Variants in SGCZ observed in about 807,000 individuals in gnomAD.
SGCZ encodes the protein sarcoglycan zeta.
SGCZ carries 40 observed loss-of-function variants against 41.3 expected under a neutral mutation model. The ratio of observed to expected loss-of-function variants is 0.97; its 90% CI spans 0.75 to 1.26. SGCZ has a LOEUF of 1.26. Ranked by LOEUF, SGCZ falls within the 50% of genes most tolerant of loss-of-function variation. The pLI, the probability that SGCZ is intolerant of heterozygous loss-of-function variation, is 0.00. For missense variants in SGCZ, 552 were observed against 369.8 expected (o/e 1.49, Z -4.04); for synonymous variants, 206 against 137.5 (o/e 1.50, Z -3.49).
At chr8:14,153,771 T>G (rs1202247854) in intron 5 of SGCZ, among the ~76,000 whole-genome samples, 1 of 152,082 alleles carries the variant, frequency 6.6e-6, no homozygotes, top group African/African-American at 2.4e-5. Flanking sequence ...ATCCTAACCC[T>G]CAATGTGATT....
intron 1 of SGCZ, among the ~76,000 whole-genome samples, chr8:14,633,940 T>C (rs1321109762): frequency 6.6e-6 from 1 of 151,918 alleles, no homozygotes; most frequent in Non-Finnish European, 1.5e-5. Flanking sequence ...ATTTTCGCAG[T>C]TCAGAAATGA....
At chr8:14,577,574 G>C (rs1804751462) in intron 1 of SGCZ, among the ~76,000 whole-genome samples, 1 of 151,898 alleles carries the variant, frequency 6.6e-6, no homozygotes, top group African/African-American at 2.4e-5. Context: ...TTTTAGTAGA[G>C]ACAGTGTTTC....
chr8:14,094,389 T>C (rs529746633), intron 7 of SGCZ, among the ~76,000 whole-genome samples: 3 of 152,208 alleles, frequency 2.0e-5, no homozygotes, highest in East Asian at 3.9e-4. Flanking sequence ...ATGTGGTGTT[T>C]GGTTTTCTGT....
At chr8:14,306,186 C>T (rs1032641679) in intron 3 of SGCZ, among the ~76,000 whole-genome samples, 2 of 152,142 alleles carry the variant, frequency 1.3e-5, no homozygotes, top group African/African-American at 4.8e-5. Flanking sequence ...AAACTATTTC[C>T]ATAACCATCA....
At chr8:14,245,611 A>G (rs186053665) in intron 3 of SGCZ, among the ~76,000 whole-genome samples, 2 of 152,136 alleles carry the variant, frequency 1.3e-5, no homozygotes, top group Admixed American at 6.6e-5. Flanking sequence ...TAATTAAACT[A>G]AAGAGCTTCT....
intron 2 of SGCZ, among the ~76,000 whole-genome samples, chr8:14,481,992 C>A (rs1430666173): frequency 2.6e-5 from 4 of 152,156 alleles, no homozygotes; most frequent in Admixed American, 2.6e-4. Context: ...CCATTGACAG[C>A]AGAACCCAGA....
intron 2 of SGCZ, among the ~76,000 whole-genome samples, chr8:14,339,578 T>C (rs1802630235): frequency 6.6e-6 from 1 of 152,176 alleles, no homozygotes. Context: ...TGTTTGATAA[T>C]AGGCTTGCAT....
intron 2 of SGCZ, among the ~76,000 whole-genome samples, chr8:14,541,989 T>C (rs1803484454): frequency 6.6e-6 from 1 of 152,176 alleles, no homozygotes; most frequent in Admixed American, 6.6e-5. Flanking sequence ...TTTGTTTTTT[T>C]CTTGTAAATT....
At chr8:15,201,681 G>A (rs1409517368) in intron 1 of SGCZ, among the ~76,000 whole-genome samples, 1 of 152,128 alleles carries the variant, frequency 6.6e-6, no homozygotes, top group Non-Finnish European at 1.5e-5. Flanking sequence ...GGAAAATCAT[G>A]CTCAACCACT....
intron 1 of SGCZ, among the ~76,000 whole-genome samples, chr8:14,848,857 T>C (rs1288031262): frequency 6.6e-6 from 1 of 152,018 alleles, no homozygotes; most frequent in Non-Finnish European, 1.5e-5. Context: ...TCAGAAAAAC[T>C]GAAAACTTTT....
At chr8:14,237,491 A>AACG (rs2117167326) in intron 4 of SGCZ, 101 bp downstream of exon 4, 1 of 1,115,260 alleles carries the variant, frequency 9.0e-7, no homozygotes, top group Non-Finnish European at 1.3e-6. Context: ...TCAAAACAAC[A>AACG]ACAACAACAA....
chr8:14,466,144 G>A (rs1358930310), intron 2 of SGCZ, among the ~76,000 whole-genome samples: 2 of 151,898 alleles, frequency 1.3e-5, no homozygotes, highest in African/African-American at 2.4e-5. Context: ...TGCAGAGCAG[G>A]CCTAGTGGTA....
chr8:14,861,332 G>A lies in SGCZ; in HGVS notation c.40-306406C>T, dbSNP rs2130679899. ...TAGGTCCTTCCTGAAATTGAAGGTA[G>A]CAGAGAGTGTTGGTGGAATGCACAT... On this transcript the variant is annotated intron_variant, in intron 1 of 7. Transcript: ENST00000382080. 2.6e-5 allele frequency among the ~76,000 whole-genome samples: 4 copies of A among 152,236 alleles called. 1 individual carries two copies. The Middle Eastern group carries it at 0.014, about 518-fold the overall frequency.
chr8:14,716,351 C>A (rs7814607), intron 1 of SGCZ, among the ~76,000 whole-genome samples: 1 of 151,670 alleles, frequency 6.6e-6, no homozygotes, highest in African/African-American at 2.4e-5. Flanking sequence ...TTTTTCCATG[C>A]GCACACACAC....
intron 1 of SGCZ, among the ~76,000 whole-genome samples, chr8:14,928,038 G>A (rs1320237045): frequency 6.6e-6 from 1 of 152,140 alleles, no homozygotes; most frequent in African/African-American, 2.4e-5. Context: ...TCCAGCATCT[G>A]CCAGAGGCCT....
At position 15,010,908 on chromosome 8, in the gene SGCZ, C is replaced by A. The variant is rs115166969; in HGVS notation, c.39+226677G>T. On this transcript the variant is annotated intron_variant, in intron 1 of 7. Coordinates refer to ENST00000382080, the MANE Select transcript of SGCZ (RefSeq NM_139167.4). ...TCCCTATACATTGTAATCCTTCAAA[C>A]TTTAGATCCCTGGCTAACTTGAGAG... Among the ~76,000 whole-genome samples, 1,051 of 152,302 alleles carry A rather than the reference C, an allele frequency of 6.9e-3. 15 individuals carry two copies. Among genetic ancestry groups the A allele is most frequent in the African/African-American group, 0.024 (1,005 of 41,564 alleles).
intron 1 of SGCZ, among the ~76,000 whole-genome samples, chr8:15,232,977 G>C (rs2117212298): frequency 6.6e-6 from 1 of 151,582 alleles, no homozygotes; most frequent in African/African-American, 2.4e-5. Flanking sequence ...GTTTATCAAT[G>C]TCAAATGATA....
chr8:14,950,889 G>C (rs1303455457), intron 1 of SGCZ, among the ~76,000 whole-genome samples: 1 of 151,986 alleles, frequency 6.6e-6, no homozygotes, highest in Admixed American at 6.6e-5. Context: ...ATAATTAGAA[G>C]TCTTAAATTT....
intron 1 of SGCZ, among the ~76,000 whole-genome samples, chr8:14,586,603 T>A (rs1805066399): frequency 6.6e-6 from 1 of 152,152 alleles, no homozygotes; most frequent in African/African-American, 2.4e-5. Context: ...AAAATAATAG[T>A]CATCATAAAT....
Sources: allele counts gnomAD v4.1 joint callset (sites outside exome capture counted in the v4.1 genomes callset), GRCh38; gene constraint gnomAD v4.1.1; transcripts MANE v1.5; gene names NCBI Gene and HGNC (gene_info 2026-07-23, HGNC 2026-07-21).